The following MEF2A variants were observed in gnomAD, a reference collection of about 807,000 sequenced individuals.
MEF2A encodes myocyte enhancer factor 2A.
A neutral mutation model predicts 55.8 loss-of-function variants in MEF2A; 28 were observed. The ratio of observed to expected loss-of-function variants is 0.50; its 90% CI spans 0.37 to 0.69. MEF2A has a LOEUF of 0.69. Among genes scored for constraint, MEF2A ranks in the 30% least tolerant of loss-of-function variants. The pLI is 0.00. For synonymous variants in MEF2A, 239 were observed against 227.1 expected, an observed-to-expected ratio of 1.05 and a Z score of -0.47; for missense variants, 528 against 626.2, an observed-to-expected ratio of 0.84 and a Z score of 1.67.
At chr15:99,634,958 T>A (rs2043531180) in intron 3 of MEF2A, among the ~76,000 whole-genome samples, 1 of 152,222 alleles carries the variant, frequency 6.6e-6, no homozygotes, top group Admixed American at 6.5e-5. Flanking sequence ...AAGAGTATCT[T>A]TATTGATTTT....
At chr15:99,669,951 C>G (rs1465113179) in intron 4 of MEF2A, among the ~76,000 whole-genome samples, 1 of 152,178 alleles carries the variant, frequency 6.6e-6, no homozygotes, top group Non-Finnish European at 1.5e-5. Context: ...TGTTTCCTAA[C>G]TAAGCTCTGT....
At chr15:99,673,562 C>T (rs1282905153) in intron 5 of MEF2A, among the ~76,000 whole-genome samples, 2 of 151,862 alleles carry the variant, frequency 1.3e-5, no homozygotes, top group Non-Finnish European at 2.9e-5. Context: ...TTTTCTCCCA[C>T]TTTAAATTGT....
chr15:99,646,097 G>A (rs1052105568), intron 4 of MEF2A, among the ~76,000 whole-genome samples: 4 of 151,632 alleles, frequency 2.6e-5, no homozygotes, highest in African/African-American at 9.7e-5. Flanking sequence ...TACAGTTTTG[G>A]TATGTCTTAA....
chr15:99,577,352 C>G (rs1964616890), intron 1 of MEF2A, among the ~76,000 whole-genome samples: 1 of 151,540 alleles, frequency 6.6e-6, no homozygotes, highest in South Asian at 2.1e-4. Flanking sequence ...TTTGAAATAA[C>G]TGGTAACAAC....
At chr15:99,605,019 C>T (rs4965529) in intron 2 of MEF2A, among the ~76,000 whole-genome samples, 23 of 152,054 alleles carry the variant, frequency 1.5e-4, no homozygotes, top group Non-Finnish European at 2.5e-4. Context: ...GAGCTCTGCT[C>T]ACTGCAACCT....
chr15:99,677,399 A>C (rs1368251905), intron 7 of MEF2A, among the ~76,000 whole-genome samples: 1 of 152,110 alleles, frequency 6.6e-6, no homozygotes, highest in Non-Finnish European at 1.5e-5. Flanking sequence ...TTATTTAAAA[A>C]ATGGAAATTT....
At chr15:99,677,395 A>T (rs1470668934) in intron 7 of MEF2A, among the ~76,000 whole-genome samples, 1 of 152,132 alleles carries the variant, frequency 6.6e-6, no homozygotes. Context: ...AAATTTATTT[A>T]AAAAATGGAA....
intron 4 of MEF2A, among the ~76,000 whole-genome samples, chr15:99,666,542 CCTG>C (rs1212565721): frequency 6.0e-5 from 9 of 149,240 alleles, no homozygotes; most frequent in Non-Finnish European, 8.9e-5. Context: ...GTGTAACAAA[CCTG>C]CACGTTCTGC....
chr15:99,659,269 G>T (rs931751387), intron 4 of MEF2A, among the ~76,000 whole-genome samples: 10 of 152,026 alleles, frequency 6.6e-5, no homozygotes, highest in African/African-American at 1.9e-4. Flanking sequence ...TGTTGGGATT[G>T]GGGGGTGGGG....
chr15:99,683,864 G>A (rs2053717424), intron 7 of MEF2A, among the ~76,000 whole-genome samples: 1 of 151,986 alleles, frequency 6.6e-6, no homozygotes, highest in Non-Finnish European at 1.5e-5. Context: ...CTCCCTCCCA[G>A]CCTTCCTCCT....
chr15:99,676,520 C>T (rs1673449703), intron 7 of MEF2A, among the ~76,000 whole-genome samples: 1 of 151,594 alleles, frequency 6.6e-6, no homozygotes, highest in Non-Finnish European at 1.5e-5. Flanking sequence ...TAAAGTAAAC[C>T]AGAGATAAAC....
intron 4 of MEF2A, among the ~76,000 whole-genome samples, chr15:99,658,009 C>T (rs982633207): frequency 6.6e-6 from 1 of 152,118 alleles, no homozygotes; most frequent in African/African-American, 2.4e-5. Flanking sequence ...TATCAGAAAT[C>T]TCTTTCAAAT....
chr15:99,651,171 G>A (rs1296064787), intron 4 of MEF2A, among the ~76,000 whole-genome samples: 2 of 152,172 alleles, frequency 1.3e-5, no homozygotes, highest in Non-Finnish European at 2.9e-5. Flanking sequence ...GGTTATAAGA[G>A]CTTGTGTGAG....
Position 99,634,480 on chromosome 15 carries a change from C to T in MEF2A, c.54+1307C>T, listed in dbSNP as rs574940631. Among the ~76,000 whole-genome samples the T allele has an allele frequency of 2.6e-5, 4 of 152,140 alleles. No individual in the cohort carries two copies. The East Asian group carries it at 7.7e-4, about 29-fold the overall frequency. ...TGAAGTGTAGAGGAGGCATAGGGAC[C>T]TGCTTCATGGATATATGCAGTATAA... On this transcript the variant is annotated intron_variant, in intron 3 of 11. Transcript: ENST00000557942.
intron 2 of MEF2A, among the ~76,000 whole-genome samples, chr15:99,631,463 T>C (rs776633711): frequency 3.3e-5 from 5 of 152,198 alleles, no homozygotes; most frequent in Non-Finnish European, 7.3e-5. Flanking sequence ...CTGCCTAATA[T>C]GTATATCTCA....
intron 3 of MEF2A, among the ~76,000 whole-genome samples, chr15:99,642,018 GT>G (rs769108402): frequency 2.4e-4 from 36 of 151,940 alleles, no homozygotes; most frequent in Non-Finnish European, 4.7e-4. Context: ...ATGCTTGTTG[GT>G]TTTTTTGCCC....
Position 99,648,946 on chromosome 15 carries a change from T to C in MEF2A, c.258+3182T>C, listed in dbSNP as rs1033908394. 3.3e-5 allele frequency among the ~76,000 whole-genome samples: 5 copies of C among 152,210 alleles called. No individual in the cohort carries two copies. The South Asian group carries it at 1.0e-3, about 32-fold the overall frequency. On this transcript the variant is annotated intron_variant, in intron 4 of 11. Transcript: ENST00000557942. ...ATTAAAAGTAGTTGGTATTTGAATA[T>C]TGTTGATTATAAATAGGTAGAAATG...
chr15:99,671,958 T>G (rs2050957102), intron 5 of MEF2A, among the ~76,000 whole-genome samples: 1 of 152,186 alleles, frequency 6.6e-6, no homozygotes, highest in Non-Finnish European at 1.5e-5. Flanking sequence ...GTGAGTTGGC[T>G]CTCATGATTT....
rs2058704401 is a variant in MEF2A, at chr15:99,712,122, T to G, written c.1137-268T>G. Among the ~76,000 whole-genome samples the G allele has an allele frequency of 2.0e-5, 3 of 152,346 alleles. No homozygotes were observed. The South Asian group carries it at 6.2e-4, about 32-fold the overall frequency. On this transcript the variant is annotated intron_variant, in intron 11 of 11. Transcript: ENST00000557942. The surrounding 1 kb of genome is among the most constrained non-coding windows in gnomAD (Gnocchi z 4.1). Reference sequence around the variant, plus strand: ...CAGCATTAAGACACTGACATTGTTTTGTATACTTTAGCTGCAAAAGTACCA... The same window carrying G: ...CAGCATTAAGACACTGACATTGTTTGGTATACTTTAGCTGCAAAAGTACCA...
Sources: allele counts gnomAD v4.1 joint callset (sites outside exome capture counted in the v4.1 genomes callset), GRCh38; gene constraint gnomAD v4.1.1; non-coding constraint Gnocchi (gnomAD v3.1); transcripts MANE v1.5; gene names NCBI Gene and HGNC (gene_info 2026-07-23, HGNC 2026-07-21).